Variants in RASAL2 observed in about 807,000 individuals in gnomAD.
RASAL2 encodes RAS protein activator like 2, also known as ras GTPase-activating protein nGAP.
Under a neutral mutation model 128.9 loss-of-function variants are expected in RASAL2, and 58 were observed. The observed-to-expected ratio is 0.45, with a 90% CI of 0.36 to 0.56. The LOEUF (loss-of-function observed/expected upper bound fraction) is 0.56. RASAL2 is among the 20% of genes least tolerant of loss of function. The probability of loss-of-function intolerance (pLI) is 0.00; values close to 1 mark genes in which losing one functional copy is unlikely to be tolerated. For missense variants in RASAL2, 1,360 were observed against 1,601.6 expected, an observed-to-expected ratio of 0.85 and a Z score of 2.57; for synonymous variants, 561 against 580.8, an observed-to-expected ratio of 0.97 and a Z score of 0.49.
intron 3 of RASAL2, among the ~76,000 whole-genome samples, chr1:178,324,502 C>T (rs1473311572): frequency 6.7e-6 from 1 of 150,274 alleles, no homozygotes; most frequent in Non-Finnish European, 1.5e-5. Flanking sequence ...TTGTTTTTTT[C>T]CATTTTCACT....
intron 3 of RASAL2, among the ~76,000 whole-genome samples, chr1:178,334,559 T>G (rs534715109): frequency 9.9e-5 from 15 of 152,084 alleles, no homozygotes; most frequent in African/African-American, 3.4e-4. Context: ...GCCAGGCTGG[T>G]CTCGAACTCC....
chr1:178,440,666 G>A (rs545556585), intron 6 of RASAL2, among the ~76,000 whole-genome samples: 58 of 152,134 alleles, frequency 3.8e-4, no homozygotes, highest in African/African-American at 1.3e-3. Context: ...TTGTATTTGC[G>A]GAACTCAGTT....
chr1:178,462,683 T>C (rs1416210168), intron 14 of RASAL2, among the ~76,000 whole-genome samples: 1 of 152,176 alleles, frequency 6.6e-6, no homozygotes. Context: ...TTTATTTTTA[T>C]TATTTTGACC....
chr1:178,455,394 A>G (rs1677699060), intron 12 of RASAL2, among the ~76,000 whole-genome samples: 2 of 152,130 alleles, frequency 1.3e-5, no homozygotes, highest in African/African-American at 4.8e-5. Context: ...GTATGTTAGA[A>G]TAACTTCAAA....
intron 3 of RASAL2, among the ~76,000 whole-genome samples, chr1:178,317,720 T>A (rs906780272): frequency 6.7e-6 from 1 of 148,350 alleles, no homozygotes; most frequent in Non-Finnish European, 1.5e-5. Flanking sequence ...TCTATCAATT[T>A]TGTTGATCCT....
intron 1 of RASAL2, among the ~76,000 whole-genome samples, chr1:178,193,245 C>T (rs1221450277): frequency 6.6e-6 from 1 of 152,080 alleles, no homozygotes; most frequent in Non-Finnish European, 1.5e-5. Flanking sequence ...ATCTCTATCT[C>T]CTAGCAGCAT....
At position 178,136,889 on chromosome 1, in the gene RASAL2, G is replaced by C. The variant is rs116498451; in HGVS notation, c.202+42195G>C. Among the ~76,000 whole-genome samples the C allele has an allele frequency of 5.3e-3, 782 of 148,800 alleles. 5 individuals are homozygous for C. Among genetic ancestry groups the C allele is most frequent in the African/African-American group, 0.018 (728 of 40,696 alleles). ...CCTATCCCTGCAGTGAGAATAATATGTTCAGAGCTTTAGAAGAAGAAAAGC... is the reference window on the plus strand; with the variant it reads ...CCTATCCCTGCAGTGAGAATAATATCTTCAGAGCTTTAGAAGAAGAAAAGC... On this transcript the variant is annotated intron_variant, in intron 1 of 17. Coordinates refer to ENST00000367649, the MANE Select transcript of RASAL2 (RefSeq NM_170692.4).
At chr1:178,181,643 A>G (rs375422506) in intron 1 of RASAL2, among the ~76,000 whole-genome samples, 1 of 152,226 alleles carries the variant, frequency 6.6e-6, no homozygotes, top group East Asian at 1.9e-4. Context: ...TTTGGTTGTC[A>G]TATCTTCTGA....
chr1:178,388,048 C>T (rs1216603126), intron 3 of RASAL2, among the ~76,000 whole-genome samples: 1 of 151,838 alleles, frequency 6.6e-6, no homozygotes, highest in Non-Finnish European at 1.5e-5. Flanking sequence ...TTTATTTTTC[C>T]CCCAATTTAG....
chr1:178,467,258 A>G lies in RASAL2; in HGVS notation c.3591-76A>G, dbSNP rs977730325. On this transcript the variant is annotated intron_variant, in intron 16 of 17. Transcript: ENST00000367649. The stretch of plus-strand genomic sequence containing the variant: ...TGTCTTATTAAAAAGGGCAGAGGAT[A>G]TTGAGTTTTCCTGTTCTCTACACTA... 6.8e-5 allele frequency: 79 copies of G among 1,155,976 alleles called. 1 individual carries two copies. The South Asian group carries it at 9.4e-4, about 14-fold the overall frequency. 71.6% of individuals were successfully genotyped at this position (1,155,976 alleles called of 1,614,324 possible). A position where few individuals can be genotyped will look rare whatever the true frequency, so the allele number is the denominator to read the frequency against.
chr1:178,194,890 T>A (rs557249347), intron 1 of RASAL2, among the ~76,000 whole-genome samples: 1 of 152,362 alleles, frequency 6.6e-6, no homozygotes, highest in African/African-American at 2.4e-5. Context: ...ACTGTTCAAC[T>A]TGTCATGTTC....
chr1:178,384,912 A>G (rs933687375), intron 3 of RASAL2, among the ~76,000 whole-genome samples: 6 of 152,186 alleles, frequency 3.9e-5, no homozygotes, highest in African/African-American at 1.4e-4. Context: ...AGTATATGCA[A>G]ATATTATATG....
At chr1:178,166,023 C>A (rs974455185) in intron 1 of RASAL2, among the ~76,000 whole-genome samples, 5 of 152,150 alleles carry the variant, frequency 3.3e-5, no homozygotes, top group African/African-American at 4.8e-5. Flanking sequence ...ACTTTACCCA[C>A]CTTCACTGCT....
intron 1 of RASAL2, among the ~76,000 whole-genome samples, chr1:178,242,228 G>T (rs1233011658): frequency 1.3e-5 from 2 of 151,936 alleles, no homozygotes; most frequent in Admixed American, 1.3e-4. Flanking sequence ...ATATTGGATG[G>T]TGTTCTAATT....
At chr1:178,252,355 T>C (rs1352292834) in intron 1 of RASAL2, among the ~76,000 whole-genome samples, 1 of 152,074 alleles carries the variant, frequency 6.6e-6, no homozygotes, top group African/African-American at 2.4e-5. Context: ...GAAGGAAATG[T>C]TGGAATAGGA....
At chr1:178,146,389 T>C (rs1313536001) in intron 1 of RASAL2, among the ~76,000 whole-genome samples, 1 of 152,262 alleles carries the variant, frequency 6.6e-6, no homozygotes, top group African/African-American at 2.4e-5. Flanking sequence ...GTATAATGCT[T>C]AACACTTATA....
chr1:178,244,800 C>G (rs1191302165), intron 1 of RASAL2, among the ~76,000 whole-genome samples: 2 of 152,120 alleles, frequency 1.3e-5, no homozygotes, highest in Non-Finnish European at 2.9e-5. Flanking sequence ...TTGTTCAACT[C>G]CCACTTATGA....
chr1:178,436,188 C>T (rs909224159), intron 5 of RASAL2, among the ~76,000 whole-genome samples: 6 of 152,064 alleles, frequency 3.9e-5, no homozygotes, highest in African/African-American at 1.4e-4. Context: ...AATCTTGCTT[C>T]TCTGGGAATT....
intron 1 of RASAL2, among the ~76,000 whole-genome samples, chr1:178,282,071 T>C (rs370150973): frequency 1.3e-5 from 2 of 152,008 alleles, no homozygotes; most frequent in East Asian, 1.9e-4. Flanking sequence ...TTGGTGTAGA[T>C]TGGAGATGCT....
Sources: gnomAD v4.1 joint callset for allele counts (sites outside exome capture counted in the v4.1 genomes callset) on GRCh38, gnomAD v4.1.1 for gene constraint, MANE v1.5 for transcripts, NCBI Gene and HGNC (gene_info 2026-07-23, HGNC 2026-07-21) for gene names.